RABGAP1L: variants seen among roughly 807,000 people sequenced by gnomAD.
RABGAP1L encodes RAB GTPase activating protein 1 like, also known as rab GTPase-activating protein 1-like.
Under a neutral mutation model 137.7 loss-of-function variants are expected in RABGAP1L, and 63 were observed. The ratio of observed to expected loss-of-function variants is 0.46; its 90% confidence interval spans 0.37 to 0.56. The LOEUF (loss-of-function observed/expected upper bound fraction) is 0.56, where lower values mean the gene tolerates loss of function less well. Ranked by LOEUF, RABGAP1L falls within the 20% of genes least tolerant of loss-of-function variation. The pLI is 0.00. For missense variants in RABGAP1L, 1,095 were observed against 1,244.0 expected (o/e 0.88, Z 1.80); for synonymous variants, 431 against 433.7 (o/e 0.99, Z 0.08).
chr1:174,677,236 C>A (rs185618141), intron 14 of RABGAP1L, among the ~76,000 whole-genome samples: 1 of 151,676 alleles, frequency 6.6e-6, no homozygotes, highest in East Asian at 1.9e-4. Context: ...GTGGGAGAAT[C>A]TTTTGAGCCT....
chr1:174,203,017 C>T (rs1002681664), intron 1 of RABGAP1L, among the ~76,000 whole-genome samples: 13 of 151,994 alleles, frequency 8.6e-5, no homozygotes, highest in African/African-American at 2.9e-4. Flanking sequence ...TAATTAGATC[C>T]CACTTGTCCT....
At chr1:174,565,259 T>A (rs1667495135) in intron 13 of RABGAP1L, among the ~76,000 whole-genome samples, 1 of 152,186 alleles carries the variant, frequency 6.6e-6, no homozygotes, top group African/African-American at 2.4e-5. Flanking sequence ...ACAGATGTCT[T>A]CTACTCTTAA....
intron 14 of RABGAP1L, among the ~76,000 whole-genome samples, chr1:174,671,846 C>A (rs549291517): frequency 1.1e-4 from 16 of 152,160 alleles, no homozygotes; most frequent in African/African-American, 3.9e-4. Context: ...AATTCTTCCT[C>A]TTCAATTATT....
At chr1:174,802,769 G>A (rs1688870155) in intron 18 of RABGAP1L, among the ~76,000 whole-genome samples, 2 of 152,290 alleles carry the variant, frequency 1.3e-5, no homozygotes, top group Non-Finnish European at 1.5e-5. Context: ...CTGTTAGTTG[G>A]GCTCTGCTAT....
chr1:174,494,642 A>C (rs1436599002), intron 13 of RABGAP1L, among the ~76,000 whole-genome samples: 1 of 152,206 alleles, frequency 6.6e-6, no homozygotes, highest in East Asian at 1.9e-4. Flanking sequence ...GGCCAGTAGA[A>C]AGAATTCCTA....
chr1:174,770,196 A>C (rs543398227), intron 18 of RABGAP1L, among the ~76,000 whole-genome samples: 1 of 152,282 alleles, frequency 6.6e-6, no homozygotes, highest in African/African-American at 2.4e-5. Flanking sequence ...TGTTACTTGA[A>C]TATTTCATTT....
chr1:174,955,547 A>G (rs368960680), intron 19 of RABGAP1L, among the ~76,000 whole-genome samples: 13 of 152,170 alleles, frequency 8.5e-5, no homozygotes, highest in African/African-American at 3.1e-4. Flanking sequence ...TTCATGCTAG[A>G]TGCTTTCCAT....
At chr1:174,492,109 C>G (rs1317821783) in intron 13 of RABGAP1L, among the ~76,000 whole-genome samples, 2 of 151,212 alleles carry the variant, frequency 1.3e-5, no homozygotes, top group Non-Finnish European at 1.5e-5. Flanking sequence ...ATTTGGTATT[C>G]CTCTTGGGAA....
rs761256943 is a variant in RABGAP1L, at chr1:174,322,417, C to CT, written c.1465+17292dup. ...GTCTGGGCATGTAGTCACCTGAACACTTGACTGGGTGGGGCAAGAATCTCC... is the reference window on the plus strand; with the variant it reads ...GTCTGGGCATGTAGTCACCTGAACACTTTGACTGGGTGGGGCAAGAATCTCC... On this transcript the variant is annotated intron_variant, in intron 11 of 25. Coordinates refer to ENST00000681986, the MANE Select transcript of RABGAP1L (RefSeq NM_001366446.1). Among the ~76,000 whole-genome samples the CT allele has an allele frequency of 9.2e-5, 14 of 152,244 alleles. No homozygotes were observed. In the East Asian group the frequency reaches 2.5e-3, roughly 27 times the overall value.
chr1:174,783,858 G>A (rs1215559527), intron 18 of RABGAP1L, among the ~76,000 whole-genome samples: 1 of 150,768 alleles, frequency 6.6e-6, no homozygotes, highest in Non-Finnish European at 1.5e-5. Flanking sequence ...ACAGGCGCAT[G>A]CCACCATGCC....
chr1:174,753,787 A>G (rs1265658523), intron 18 of RABGAP1L, among the ~76,000 whole-genome samples: 1 of 152,250 alleles, frequency 6.6e-6, no homozygotes, highest in African/African-American at 2.4e-5. Context: ...ATATTAAAAC[A>G]TAAAGTAAGT....
At chr1:174,638,378 C>T (rs879684654) in intron 14 of RABGAP1L, among the ~76,000 whole-genome samples, 2 of 152,140 alleles carry the variant, frequency 1.3e-5, no homozygotes, top group African/African-American at 2.4e-5. Context: ...TATAAAAGCA[C>T]TCACTTCTCC....
intron 14 of RABGAP1L, among the ~76,000 whole-genome samples, chr1:174,665,642 A>G (rs991674492): frequency 1.3e-5 from 2 of 151,988 alleles, no homozygotes; most frequent in African/African-American, 4.8e-5. Flanking sequence ...TTTAGTAGAG[A>G]CGGAGTTTTA....
chr1:174,404,063 T>C (rs1648966102), intron 13 of RABGAP1L, among the ~76,000 whole-genome samples: 1 of 152,192 alleles, frequency 6.6e-6, no homozygotes, highest in Non-Finnish European at 1.5e-5. Context: ...TCTCTATTGT[T>C]TCTAGGGCTA....
chr1:174,242,667 C>T (rs1671924617), intron 5 of RABGAP1L, among the ~76,000 whole-genome samples: 1 of 152,184 alleles, frequency 6.6e-6, no homozygotes. Context: ...CTAAACTGAA[C>T]ATGCACAGAC....
chr1:174,972,853 C>CAAAAAA (rs373159573), intron 21 of RABGAP1L, among the ~76,000 whole-genome samples: 1 of 52,806 alleles, frequency 1.9e-5, no homozygotes, highest in African/African-American at 7.5e-5. Context: ...GACTCTGTCT[C>CAAAAAA]AAAAAAAAAA....
chr1:174,837,902 G>C (rs1410625409), intron 19 of RABGAP1L, among the ~76,000 whole-genome samples: 3 of 152,180 alleles, frequency 2.0e-5, no homozygotes, highest in Non-Finnish European at 4.4e-5. Flanking sequence ...TGTGGTCTTA[G>C]GTGGCAGAAA....
intron 19 of RABGAP1L, among the ~76,000 whole-genome samples, chr1:174,902,479 T>C (rs997906308): frequency 6.6e-6 from 1 of 152,194 alleles, no homozygotes; most frequent in African/African-American, 2.4e-5. Context: ...GCTCCCTTCC[T>C]AGGGATATAT....
chr1:174,957,931 T>G, intron 20 of RABGAP1L: 1 of 1,580,444 alleles, frequency 6.3e-7, no homozygotes, highest in Non-Finnish European at 8.6e-7. Flanking sequence ...GCATTTATAC[T>G]GGGAATCTTC....
Sources: gnomAD v4.1 joint callset for allele counts (sites outside exome capture counted in the v4.1 genomes callset) on GRCh38, gnomAD v4.1.1 for gene constraint, MANE v1.5 for transcripts, NCBI Gene and HGNC (gene_info 2026-07-23, HGNC 2026-07-21) for gene names.